Variants in CSMD1 observed in about 807,000 individuals in gnomAD.
CSMD1 encodes CUB and sushi domain-containing protein 1.
CSMD1 carries 213 observed loss-of-function variants against 417.5 expected under a neutral mutation model. The ratio of observed to expected loss-of-function variants is 0.51; its 90% CI spans 0.46 to 0.57. The LOEUF (loss-of-function observed/expected upper bound fraction) is 0.57, where lower values mean the gene tolerates loss of function less well. Ranked by LOEUF, CSMD1 falls within the 20% of genes least tolerant of loss-of-function variation. CSMD1 has a pLI of 0.00. For missense variants in CSMD1, 6,923 were observed against 4,529.7 expected, an observed-to-expected ratio of 1.53 and a Z score of -15.17; for synonymous variants, 2,862 against 1,736.8, an observed-to-expected ratio of 1.65 and a Z score of -16.11.
At chr8:4,454,004 A>T (rs187462284) in intron 2 of CSMD1, among the ~76,000 whole-genome samples, 16,183 of 150,962 alleles carry the variant, frequency 0.11, 1,115 homozygotes, top group South Asian at 0.21. Flanking sequence ...TGTATTTTTT[A>T]GTAGAGACGG....
chr8:3,656,142 C>T (rs577960509), intron 7 of CSMD1, among the ~76,000 whole-genome samples: 51 of 152,284 alleles, frequency 3.3e-4, no homozygotes, highest in African/African-American at 1.2e-3. Context: ...GGGGCGAAAG[C>T]CTCTTTAGGA....
At chr8:4,070,972 A>C (rs1341095830) in intron 3 of CSMD1, among the ~76,000 whole-genome samples, 1 of 152,120 alleles carries the variant, frequency 6.6e-6, no homozygotes, top group Non-Finnish European at 1.5e-5. Context: ...AATAATTTAA[A>C]TTGTTGTTTC....
chr8:3,703,753 G>A (rs1440401765), intron 7 of CSMD1, among the ~76,000 whole-genome samples: 1 of 152,066 alleles, frequency 6.6e-6, no homozygotes, highest in Non-Finnish European at 1.5e-5. Context: ...TTAAATCTAT[G>A]GCCAGCTATT....
chr8:4,126,594 G>A (rs1168049643), intron 3 of CSMD1, among the ~76,000 whole-genome samples: 1 of 152,274 alleles, frequency 6.6e-6, no homozygotes, highest in South Asian at 2.1e-4. Flanking sequence ...ACCTTCTGCT[G>A]TCTTTCATCA....
chr8:3,750,073 C>T (rs1797258097), intron 6 of CSMD1, among the ~76,000 whole-genome samples: 1 of 152,040 alleles, frequency 6.6e-6, no homozygotes, highest in African/African-American at 2.4e-5. Context: ...GAATTTCAAG[C>T]TGTTTGTTTT....
At chr8:4,023,251 C>T (rs767628142) in intron 4 of CSMD1, among the ~76,000 whole-genome samples, 33 of 152,112 alleles carry the variant, frequency 2.2e-4, no homozygotes, top group Non-Finnish European at 2.8e-4. Flanking sequence ...ATCACCGCTG[C>T]GCATAAAAAC....
chr8:3,654,964 T>A (rs1418282631), intron 7 of CSMD1, among the ~76,000 whole-genome samples: 2 of 152,130 alleles, frequency 1.3e-5, no homozygotes, highest in African/African-American at 4.8e-5. Context: ...GCCTGATGCA[T>A]CTCAAACTGA....
intron 2 of CSMD1, among the ~76,000 whole-genome samples, chr8:4,428,643 C>A (rs140089957): frequency 3.9e-5 from 6 of 152,090 alleles, no homozygotes; most frequent in Admixed American, 6.5e-5. Flanking sequence ...AACTACAGAA[C>A]TTTTAGGGCT....
rs566978561 is a variant in CSMD1, at chr8:3,391,344, G to A, written c.2594-3662C>T. ...GATGATTAACAAGATACTTTTGACA[G>A]CATTTTCAAAAAATGCTCTAAAATT... On this transcript the variant is annotated intron_variant, in intron 17 of 69. Coordinates refer to ENST00000635120, the MANE Select transcript of CSMD1 (RefSeq NM_033225.6). Among the ~76,000 whole-genome samples the A allele has an allele frequency of 2.0e-5, 3 of 152,172 alleles. No homozygotes were observed. In the East Asian group the frequency reaches 5.8e-4, roughly 29 times the overall value.
intron 52 of CSMD1, among the ~76,000 whole-genome samples, chr8:3,015,148 A>G (rs997834584): frequency 2.0e-5 from 3 of 151,626 alleles, no homozygotes; most frequent in Admixed American, 1.3e-4. Flanking sequence ...ACCAGTTTCA[A>G]GAATGAATTT....
intron 6 of CSMD1, among the ~76,000 whole-genome samples, chr8:3,718,940 G>A (rs944173471): frequency 5.3e-5 from 8 of 152,244 alleles, no homozygotes; most frequent in African/African-American, 1.9e-4. Context: ...CCTCCAAACA[G>A]AGGGAGAATA....
At chr8:3,414,330 C>T (rs75924279) in intron 12 of CSMD1, among the ~76,000 whole-genome samples, 2 of 150,852 alleles carry the variant, frequency 1.3e-5, no homozygotes, top group Non-Finnish European at 3.0e-5. Flanking sequence ...AAGGATCATT[C>T]CGAAGAGCTT....
At chr8:3,868,778 A>G (rs2129110804) in intron 5 of CSMD1, among the ~76,000 whole-genome samples, 1 of 152,286 alleles carries the variant, frequency 6.6e-6, no homozygotes, top group South Asian at 2.1e-4. Flanking sequence ...TCTGTTCGCT[A>G]TACCTTCAAA....
intron 3 of CSMD1, among the ~76,000 whole-genome samples, chr8:4,231,305 C>G (rs527916010): frequency 2.6e-5 from 4 of 152,164 alleles, no homozygotes; most frequent in Non-Finnish European, 5.9e-5. Flanking sequence ...GTGTGAGGCT[C>G]AGAGTCATGG....
At chr8:3,272,495 G>C (rs1213167502) in intron 26 of CSMD1, among the ~76,000 whole-genome samples, 3 of 147,956 alleles carry the variant, frequency 2.0e-5, no homozygotes. Flanking sequence ...GAAGGGGATG[G>C]CATTGAATCT....
At chr8:3,235,916 G>GTTTTTTTT (rs11414439) in intron 26 of CSMD1, among the ~76,000 whole-genome samples, 7,239 of 118,968 alleles carry the variant, frequency 0.061, 526 homozygotes, top group Non-Finnish European at 0.086. Flanking sequence ...GAAGATGTAA[G>GTTTTTTTT]TTTTTTTTTT....
intron 6 of CSMD1, among the ~76,000 whole-genome samples, chr8:3,750,531 C>T (rs1417425139): frequency 6.6e-6 from 1 of 151,792 alleles, no homozygotes; most frequent in Non-Finnish European, 1.5e-5. Context: ...TTTTTGTTGG[C>T]ACAAATAATA....
intron 3 of CSMD1, among the ~76,000 whole-genome samples, chr8:4,156,140 C>G (rs114976531): frequency 0.015 from 2,290 of 152,236 alleles, 74 homozygotes; most frequent in African/African-American, 0.052. Context: ...CCCTCTGCCT[C>G]ACACCACCCA....
intron 1 of CSMD1, among the ~76,000 whole-genome samples, chr8:4,958,244 A>T (rs1254417286): frequency 6.6e-6 from 1 of 152,192 alleles, no homozygotes; most frequent in Non-Finnish European, 1.5e-5. Context: ...TATATTCAAT[A>T]TGAGATTAGA....
Sources: allele counts gnomAD v4.1 joint callset (sites outside exome capture counted in the v4.1 genomes callset), GRCh38; gene constraint gnomAD v4.1.1; transcripts MANE v1.5; gene names NCBI Gene and HGNC (gene_info 2026-07-23, HGNC 2026-07-21).